TNFAIP8: variants seen among roughly 807,000 people sequenced by gnomAD.
TNFAIP8 encodes the protein TNF alpha induced protein 8.
A neutral mutation model predicts 13.3 loss-of-function variants in TNFAIP8; 7 were observed. The observed-to-expected ratio is 0.52, with a 90% CI of 0.30 to 0.99. TNFAIP8 has a LOEUF of 0.99. TNFAIP8 is among the 50% of genes least tolerant of loss of function. The pLI is 0.07. For missense variants in TNFAIP8, 258 were observed against 236.9 expected, an observed-to-expected ratio of 1.09 and a Z score of -0.58; for synonymous variants, 94 against 87.6, an observed-to-expected ratio of 1.07 and a Z score of -0.41.
intron 1 of TNFAIP8, chr5:119,391,303 A>T (rs1329045889): frequency 1.4e-6 from 1 of 693,760 alleles, no homozygotes; most frequent in Admixed American, 2.0e-5. Flanking sequence ...ACTCATTTGT[A>T]TGTATCTGTA....
chr5:119,293,189 CT>C (rs150042070), intron 1 of TNFAIP8, among the ~76,000 whole-genome samples: 5 of 151,796 alleles, frequency 3.3e-5, no homozygotes, highest in Admixed American at 6.6e-5. Flanking sequence ...CGTCACATCC[CT>C]TTTTTTTCAT....
At chr5:119,321,040 C>A (rs1750038612) in intron 1 of TNFAIP8, among the ~76,000 whole-genome samples, 1 of 152,148 alleles carries the variant, frequency 6.6e-6, no homozygotes. Flanking sequence ...CACGGTGAAA[C>A]CCCGTCTCTA....
intron 1 of TNFAIP8, among the ~76,000 whole-genome samples, chr5:119,347,837 T>C (rs2112746490): frequency 6.6e-6 from 1 of 152,294 alleles, no homozygotes; most frequent in African/African-American, 2.4e-5. Context: ...GCCTTTTCTG[T>C]CTCCTAAGCA....
At chr5:119,357,767 T>C (rs1751486289) in intron 1 of TNFAIP8, among the ~76,000 whole-genome samples, 1 of 151,988 alleles carries the variant, frequency 6.6e-6, no homozygotes. Context: ...GATATGGCGC[T>C]CTGCTTTTTA....
intron 1 of TNFAIP8, among the ~76,000 whole-genome samples, chr5:119,368,188 T>C (rs897497275): frequency 6.6e-6 from 1 of 152,168 alleles, no homozygotes; most frequent in Admixed American, 6.5e-5. Context: ...TTCCCATCAG[T>C]CTTGTAGTTC....
At chr5:119,355,845 C>A, upstream of TNFAIP8, 1 of 1,088,542 alleles carries the variant, frequency 9.2e-7, no homozygotes, top group Non-Finnish European at 1.1e-6. Context: ...GGCTGCCGGC[C>A]CGAGCGCGCG....
At position 119,322,997 on chromosome 5, in the gene TNFAIP8, G is replaced by A. The variant is rs150843200; in HGVS notation, c.1+54090G>A. ...ACCCAGGTAACTATCTCGAAACTTGGAAGGCTGCTGCTTCTGGCCTTACCC... is the reference window on the plus strand; with the variant it reads ...ACCCAGGTAACTATCTCGAAACTTGAAAGGCTGCTGCTTCTGGCCTTACCC... On this transcript the variant is annotated intron_variant, in intron 1 of 1. Transcript: ENST00000274456. Among the ~76,000 whole-genome samples, 518 of 152,214 alleles carry A rather than the reference G, an allele frequency of 3.4e-3. 6 individuals carry two copies. Among genetic ancestry groups the A allele is most frequent in the African/African-American group, 0.011 (456 of 41,504 alleles).
rs1388176292 is a variant in TNFAIP8 at position 119,398,738 on chromosome 5, C to A, written c.*5357C>A. ...AATAAATAAATTTTTAAAAACCAAC[C>A]TGATGTGAAGTTGAAACACAAGACG... is the stretch of plus-strand genomic sequence containing the variant. On this transcript the variant is annotated 3_prime_UTR_variant, in exon 2 of 2. Coordinates refer to ENST00000504771, the MANE Select transcript of TNFAIP8 (RefSeq NM_014350.4). 1 of 151,640 alleles carries A rather than the reference C, an allele frequency of 6.6e-6. No individual in the cohort carries two copies. Among genetic ancestry groups the A allele is most frequent in the Non-Finnish European group, 1.5e-5 (1 of 67,964 alleles). The allele number at this position is 151,640 out of a possible 1,614,324, so 9.4% of individuals were successfully genotyped here.
At chr5:119,316,509 TAAAG>T (rs901666387) in intron 1 of TNFAIP8, among the ~76,000 whole-genome samples, 2 of 152,170 alleles carry the variant, frequency 1.3e-5, no homozygotes, top group African/African-American at 4.8e-5. Context: ...GGTACCAAGA[TAAAG>T]AAGACCCTAG....
intron 1 of TNFAIP8, among the ~76,000 whole-genome samples, chr5:119,381,939 A>C (rs556909655): frequency 2.6e-4 from 39 of 152,200 alleles, no homozygotes; most frequent in African/African-American, 9.2e-4. Flanking sequence ...ATAAAAAAAA[A>C]CACCGAACAA....
At chr5:119,391,917 A>G (rs1056688240) in intron 1 of TNFAIP8, among the ~76,000 whole-genome samples, 22 of 152,222 alleles carry the variant, frequency 1.4e-4, no homozygotes, top group Non-Finnish European at 2.2e-4. Flanking sequence ...TTAATATTTA[A>G]TATGTATAGC....
At chr5:119,345,126 A>G (rs1242238312) in intron 1 of TNFAIP8, among the ~76,000 whole-genome samples, 3 of 152,212 alleles carry the variant, frequency 2.0e-5, no homozygotes, top group Non-Finnish European at 4.4e-5. Flanking sequence ...ATAACTTTGT[A>G]GTTGTACAAA....
At chr5:119,312,575 A>G (rs996100170) in intron 1 of TNFAIP8, among the ~76,000 whole-genome samples, 1 of 151,948 alleles carries the variant, frequency 6.6e-6, no homozygotes, top group African/African-American at 2.4e-5. Flanking sequence ...ATTTGTTTAA[A>G]GGGAAGAGTG....
At chr5:119,369,925 T>TA (rs1023983364) in intron 1 of TNFAIP8, among the ~76,000 whole-genome samples, 1 of 152,214 alleles carries the variant, frequency 6.6e-6, no homozygotes, top group African/African-American at 2.4e-5. Flanking sequence ...TGGAGGGCTC[T>TA]AATGGGGTCA....
intron 1 of TNFAIP8, among the ~76,000 whole-genome samples, chr5:119,389,585 C>T (rs1211057534): frequency 6.6e-6 from 1 of 152,174 alleles, no homozygotes; most frequent in East Asian, 1.9e-4. Flanking sequence ...ACAGACCACA[C>T]ATCCCTGGCC....
rs370082274 is a variant in TNFAIP8, at chr5:119,289,278, T to A, written c.1+20371T>A. ...TGTGTGGTATCTGTGGTTTTATTTGTGAAAGAACTGCCAAAAGATTGGTCC... is the reference window on the plus strand; with the variant it reads ...TGTGTGGTATCTGTGGTTTTATTTGAGAAAGAACTGCCAAAAGATTGGTCC... On this transcript the variant is annotated intron_variant, in intron 1 of 1. Coordinates refer to the TNFAIP8 transcript ENST00000274456. Among the ~76,000 whole-genome samples, 6 of 151,288 alleles carry A rather than the reference T, an allele frequency of 4.0e-5. No individual in the cohort carries two copies. The South Asian group carries it at 1.2e-3, about 31-fold the overall frequency.
intron 1 of TNFAIP8, among the ~76,000 whole-genome samples, chr5:119,340,247 G>A (rs921307319): frequency 2.0e-4 from 30 of 152,188 alleles, no homozygotes; most frequent in Admixed American, 1.4e-3. Flanking sequence ...GGAAATATAC[G>A]CACAGGGGGC....
intron 1 of TNFAIP8, among the ~76,000 whole-genome samples, chr5:119,297,690 A>G (rs1749221088): frequency 6.6e-6 from 1 of 152,116 alleles, no homozygotes. Flanking sequence ...TGATCTGTCT[A>G]ATGTTGACAG....
At chr5:119,372,196 G>A (rs914989276) in intron 1 of TNFAIP8, among the ~76,000 whole-genome samples, 2 of 151,312 alleles carry the variant, frequency 1.3e-5, no homozygotes, top group African/African-American at 2.4e-5. Context: ...CAACTGTGGT[G>A]GCACACCTGT....
Sources: allele counts gnomAD v4.1 joint callset (sites outside exome capture counted in the v4.1 genomes callset), GRCh38; gene constraint gnomAD v4.1.1; transcripts MANE v1.5; gene names NCBI Gene and HGNC (gene_info 2026-07-23, HGNC 2026-07-21).